The following TRPC4 variants were observed in gnomAD, a reference collection of about 807,000 sequenced individuals.
TRPC4 encodes transient receptor potential cation channel subfamily C member 4.
In TRPC4, 49 loss-of-function variants were observed where a neutral mutation model predicts 99.4. The observed-to-expected ratio is 0.49, with a 90% CI of 0.39 to 0.63. The LOEUF is 0.63. TRPC4 is among the 20% of genes least tolerant of loss of function. The pLI is 0.00. For synonymous variants in TRPC4, 454 were observed against 425.9 expected, an observed-to-expected ratio of 1.07 and a Z score of -0.81; for missense variants, 898 against 1,152.9, an observed-to-expected ratio of 0.78 and a Z score of 3.20.
At chr13:37,841,508 T>G (rs817616) in intron 1 of TRPC4, among the ~76,000 whole-genome samples, 1 of 151,456 alleles carries the variant, frequency 6.6e-6, no homozygotes, top group African/African-American at 2.4e-5. Context: ...ATCTAATAAA[T>G]AGCTAATATC....
intron 7 of TRPC4, among the ~76,000 whole-genome samples, chr13:37,652,575 C>A (rs1952083891): frequency 2.3e-5 from 1 of 43,928 alleles, no homozygotes; most frequent in Non-Finnish European, 5.2e-5. Context: ...AGTTTCCCTC[C>A]CTTTTTCCCT....
chr13:37,778,557 G>T (rs763837580), intron 2 of TRPC4, among the ~76,000 whole-genome samples: 5 of 151,824 alleles, frequency 3.3e-5, no homozygotes, highest in Non-Finnish European at 7.4e-5. Flanking sequence ...CCCCTTTCCT[G>T]TCCCTCCTTT....
intron 1 of TRPC4, among the ~76,000 whole-genome samples, chr13:37,793,187 G>A (rs1456973997): frequency 6.6e-6 from 1 of 152,056 alleles, no homozygotes; most frequent in African/African-American, 2.4e-5. Context: ...AAAATGATAG[G>A]AAAATATAAA....
At chr13:37,838,478 A>T (rs1446002861) in intron 1 of TRPC4, among the ~76,000 whole-genome samples, 1 of 152,190 alleles carries the variant, frequency 6.6e-6, no homozygotes, top group Admixed American at 6.5e-5. Flanking sequence ...CGACCACAGG[A>T]TATTTTTTTT....
chr13:37,662,904 A>G (rs2138686700), intron 6 of TRPC4, among the ~76,000 whole-genome samples: 1 of 152,318 alleles, frequency 6.6e-6, no homozygotes, highest in South Asian at 2.1e-4. Flanking sequence ...TGTGTGCATG[A>G]CAGTAATGGC....
Position 37,651,286 on chromosome 13 carries a change from T to C in TRPC4, c.2058A>G (p.Pro686=). The stretch of plus-strand genomic sequence containing the variant: ...TTACCCCTATTGTTCCAAAACTTTC[T>C]GGCTTTCTTCTCATCTTTTTCTTGC... ...HLCKKKMRRK[P]ESFGTIGRRA... Residue 686 remains proline (P), a synonymous_variant, in exon 8 of 11, where the codon CCA becomes CCG. Transcript: ENST00000379705. 1.2e-5 allele frequency: 20 copies of C among 1,614,172 alleles called. No homozygotes were observed. The highest frequency in any genetic ancestry group is 1.7e-5 in the Non-Finnish European group (20 of 1,179,984).
At chr13:37,762,745 A>T (rs1332314283) in intron 2 of TRPC4, among the ~76,000 whole-genome samples, 1 of 145,378 alleles carries the variant, frequency 6.9e-6, no homozygotes, top group Non-Finnish European at 1.5e-5. Flanking sequence ...GAGGGATAGC[A>T]TTAGGAGATA....
chr13:37,789,464 T>C (rs1957056177), intron 1 of TRPC4, among the ~76,000 whole-genome samples: 1 of 152,212 alleles, frequency 6.6e-6, no homozygotes. Context: ...CATTTCTTAC[T>C]GGTGTGTATA....
chr13:37,648,849 C>T (rs1182352865), intron 8 of TRPC4, among the ~76,000 whole-genome samples: 1 of 152,178 alleles, frequency 6.6e-6, no homozygotes, highest in Non-Finnish European at 1.5e-5. Flanking sequence ...TGGTCTGGTT[C>T]TCCATTCTTT....
At chr13:37,664,868 T>C (rs1488922799) in intron 5 of TRPC4, among the ~76,000 whole-genome samples, 1 of 152,188 alleles carries the variant, frequency 6.6e-6, no homozygotes, top group African/African-American at 2.4e-5. Context: ...TTTTAATCTC[T>C]CTGGGGAGAC....
chr13:37,805,119 T>G (rs976956012), intron 1 of TRPC4, among the ~76,000 whole-genome samples: 1 of 152,058 alleles, frequency 6.6e-6, no homozygotes, highest in Admixed American at 6.6e-5. Flanking sequence ...TCTCTTTGTG[T>G]GAAAGAACTC....
At chr13:37,817,151 G>A (rs1046546864) in intron 1 of TRPC4, among the ~76,000 whole-genome samples, 2 of 152,046 alleles carry the variant, frequency 1.3e-5, no homozygotes, top group African/African-American at 4.8e-5. Context: ...AGCTTCTTAA[G>A]CTGATACACA....
chr13:37,825,731 G>GAA (rs765929372), intron 1 of TRPC4, among the ~76,000 whole-genome samples: 9 of 148,688 alleles, frequency 6.1e-5, no homozygotes, highest in African/African-American at 2.2e-4. Context: ...GTGTGGTGCT[G>GAA]AAAAAAATGT....
At position 37,710,202 on chromosome 13, in the gene TRPC4, C is replaced by T. The variant is rs192007849; in HGVS notation, c.898-17867G>A. Among the ~76,000 whole-genome samples, 45 of 151,836 alleles carry T rather than the reference C, an allele frequency of 3.0e-4. 1 individual carries two copies. Among genetic ancestry groups the T allele is most frequent in the Admixed American group, 1.8e-3 (27 of 15,218 alleles). On this transcript the variant is annotated intron_variant, in intron 3 of 10. Coordinates refer to ENST00000379705, the MANE Select transcript of TRPC4 (RefSeq NM_016179.4). ...TGCAAATTAATTACTAATTTCTAAC[C>T]CTTAATGGATTGTCAGACTTCTACT...
chr13:37,794,355 G>C (rs1327493178), intron 1 of TRPC4, among the ~76,000 whole-genome samples: 1 of 152,086 alleles, frequency 6.6e-6, no homozygotes, highest in African/African-American at 2.4e-5. Context: ...TATTTGACTT[G>C]TTTTTGATGA....
chr13:37,772,802 G>A (rs1465167867), intron 2 of TRPC4, among the ~76,000 whole-genome samples: 2 of 151,718 alleles, frequency 1.3e-5, no homozygotes, highest in Admixed American at 1.3e-4. Context: ...TCAGGTTTCA[G>A]TTTAGAAATG....
intron 1 of TRPC4, among the ~76,000 whole-genome samples, chr13:37,791,908 G>A (rs1957130242): frequency 6.6e-6 from 1 of 152,142 alleles, no homozygotes; most frequent in South Asian, 2.1e-4. Flanking sequence ...GGGCCAGTTG[G>A]CAGGAGTGCG....
rs1951485701 is a variant in TRPC4, at chr13:37,635,323, T to A, written c.*1580A>T. On this transcript the variant is annotated 3_prime_UTR_variant, in exon 11 of 11. Coordinates refer to ENST00000379705, the MANE Select transcript of TRPC4 (RefSeq NM_016179.4). ...AGCTCCATCATGAGCTGTATTACCTTAGCCAGTTAGTGCTGGTCTCAGTTT... is the reference window on the plus strand; with the variant it reads ...AGCTCCATCATGAGCTGTATTACCTAAGCCAGTTAGTGCTGGTCTCAGTTT... 6.6e-6 allele frequency among the ~76,000 whole-genome samples: 1 copy of A among 152,120 alleles called. No homozygotes were observed. The highest frequency in any genetic ancestry group is 6.6e-5 in the Admixed American group (1 of 15,254).
rs757032971 is a variant in TRPC4, at chr13:37,637,240, GAGA to G, written c.2594_2596del (p.Phe865del). 2.5e-6 allele frequency: 4 copies of G among 1,613,882 alleles called. No homozygotes were observed. The highest frequency in any genetic ancestry group is 2.2e-5 in the South Asian group (2 of 91,076). Reference sequence around the variant, plus strand: ...TTGACGAGCAACTTCTTCTGAAACAGAGAAGATTTGGTTTGCATTTTGCTCAGC... The same window carrying G: ...TTGACGAGCAACTTCTTCTGAAACAGAGATTTGGTTTGCATTTTGCTCAGC... On this transcript the variant is annotated inframe_deletion, in exon 11 of 11. Transcript: ENST00000379705.
Sources: gnomAD v4.1 joint callset for allele counts (sites outside exome capture counted in the v4.1 genomes callset) on GRCh38, gnomAD v4.1.1 for gene constraint, MANE v1.5 for transcripts, NCBI Gene and HGNC (gene_info 2026-07-23, HGNC 2026-07-21) for gene names.